The following ABR variants were observed in gnomAD, a reference collection of about 807,000 sequenced individuals.
ABR encodes the protein ABR activator of RhoGEF and GTPase.
In ABR, 35 loss-of-function variants were observed where a neutral mutation model predicts 107.2. That is an observed-to-expected ratio of 0.33 (90% CI 0.25 to 0.43). The LOEUF (loss-of-function observed/expected upper bound fraction) is 0.43. ABR is among the 20% of genes least tolerant of loss of function. The pLI is 1.00. For missense variants in ABR, 815 were observed against 1,115.2 expected, an observed-to-expected ratio of 0.73 and a Z score of 3.83; for synonymous variants, 498 against 462.0, an observed-to-expected ratio of 1.08 and a Z score of -1.00.
intron 3 of ABR, among the ~76,000 whole-genome samples, chr17:1,100,192 G>A (rs1369029487): frequency 6.6e-6 from 1 of 151,808 alleles, no homozygotes; most frequent in Non-Finnish European, 1.5e-5. Flanking sequence ...CGGGGCCTCA[G>A]GATGGCACTA....
intron 3 of ABR, among the ~76,000 whole-genome samples, chr17:1,097,590 CAAAAAAAAAAAAA>C (rs57256346): frequency 9.5e-6 from 1 of 104,762 alleles, no homozygotes; most frequent in Non-Finnish European, 1.8e-5. Flanking sequence ...GACTCCGTCT[CAAAAAAAAAAAAA>C]AAAAAAGAAC....
chr17:1,031,943 G>C, intron 16 of ABR: 1 of 843,282 alleles, frequency 1.2e-6, no homozygotes, highest in Non-Finnish European at 1.5e-6. Context: ...CTCCTTCCCC[G>C]CCCTCCGCGA....
intron 6 of ABR, among the ~76,000 whole-genome samples, chr17:1,075,098 C>A (rs2035591745): frequency 6.6e-6 from 1 of 152,254 alleles, no homozygotes; most frequent in Non-Finnish European, 1.5e-5. Flanking sequence ...AAGAGCCACA[C>A]CCTCCACAAC....
intron 10 of ABR, among the ~76,000 whole-genome samples, chr17:1,062,180 C>A (rs2034038705): frequency 1.2e-5 from 1 of 84,746 alleles, no homozygotes; most frequent in Non-Finnish European, 2.6e-5. Context: ...GTGGTGCCTT[C>A]CTCTAGACAC....
intron 1 of ABR, among the ~76,000 whole-genome samples, chr17:1,125,962 CT>C (rs146885450): frequency 6.6e-6 from 1 of 152,300 alleles, no homozygotes; most frequent in African/African-American, 2.4e-5. Context: ...GTGCCCAGGC[CT>C]GGCAGGGACA....
chr17:1,222,049 A>T (rs1261635698), intron 1 of ABR, among the ~76,000 whole-genome samples: 10 of 148,136 alleles, frequency 6.8e-5, no homozygotes, highest in Admixed American at 6.1e-4. Flanking sequence ...AAGAGTAACG[A>T]TAACAGCACC....
chr17:1,181,164 C>T (rs1032413228), upstream of ABR, among the ~76,000 whole-genome samples: 3 of 152,174 alleles, frequency 2.0e-5, no homozygotes, highest in African/African-American at 7.2e-5. Context: ...ACCCGCAGAA[C>T]GCTGGAGGGG....
chr17:1,022,122 A>G (rs2071733591), intron 16 of ABR, among the ~76,000 whole-genome samples: 1 of 150,942 alleles, frequency 6.6e-6, no homozygotes, highest in Non-Finnish European at 1.5e-5. Context: ...AAAAAAAAAA[A>G]AAACAGAAAA....
intron 16 of ABR, chr17:1,031,709 GCTGCAGTCGGGCT>G: frequency 8.0e-7 from 1 of 1,249,974 alleles, no homozygotes; most frequent in Non-Finnish European, 1.0e-6. Flanking sequence ...CCGCCTTCGG[GCTGCAGTCGGGCT>G]GGGGCAGGAC....
chr17:1,172,363 AG>A (rs1380545668), intron 1 of ABR, among the ~76,000 whole-genome samples: 1 of 152,192 alleles, frequency 6.6e-6, no homozygotes, highest in Non-Finnish European at 1.5e-5. Context: ...TCTCTGGGTC[AG>A]GTTCTCCTCA....
At position 1,138,202 on chromosome 17, in the gene ABR, C is replaced by T. The variant is rs76902602; in HGVS notation, c.62-12835G>A. Among the ~76,000 whole-genome samples, 24 of 152,144 alleles carry T rather than the reference C, an allele frequency of 1.6e-4. No individual in the cohort carries two copies. The East Asian group carries it at 4.1e-3, about 26-fold the overall frequency. On this transcript the variant is annotated intron_variant, in intron 1 of 22. Transcript: ENST00000302538. Reference sequence around the variant, plus strand: ...TACAGGTGTGACCCACCACGTCCAGCTCTCAACTACTTTTGCACCAGCCTA... The same window carrying T: ...TACAGGTGTGACCCACCACGTCCAGTTCTCAACTACTTTTGCACCAGCCTA...
rs2586303 is a variant in ABR at position 1,007,460 on chromosome 17, G to A, written c.2343-148C>T. The A allele has an allele frequency of 8.5e-4, 785 of 923,492 alleles. 6 individuals carry two copies. The African/African-American group carries it at 0.011, about 13-fold the overall frequency. 57.2% of individuals were successfully genotyped at this position (923,492 alleles called of 1,614,324 possible). A position where few individuals can be genotyped will look rare whatever the true frequency, so the allele number is the denominator to read the frequency against. ...TCTCCTAGGAGTGGGGACCTCCCCC[G>A]GGGGAAGGGGACTCATCCAGGAGAG... On this transcript the variant is annotated intron_variant, in intron 21 of 22. Transcript: ENST00000302538.
At chr17:1,098,313 G>C (rs1012574437) in intron 3 of ABR, among the ~76,000 whole-genome samples, 1 of 151,950 alleles carries the variant, frequency 6.6e-6, no homozygotes, top group African/African-American at 2.4e-5. Context: ...TCCTGACCTT[G>C]TGATCCGCCC....
rs4369737 is a variant in ABR at position 1,208,606 on chromosome 17, C to T, written c.838+20187G>A. Among the ~76,000 whole-genome samples, 1,445 of 152,198 alleles carry T rather than the reference C, an allele frequency of 9.5e-3. 26 individuals carry two copies. The highest frequency in any genetic ancestry group is 0.032 in the African/African-American group (1,331 of 41,538). On this transcript the variant is annotated intron_variant, in intron 1 of 22. Transcript: ENST00000574139. Reference sequence around the variant, plus strand: ...AGGGAGAGGTTCAAGAGGGAGCTGCCGGCCGGGCACAGTGGCTCACGCCTC... The same window carrying T: ...AGGGAGAGGTTCAAGAGGGAGCTGCTGGCCGGGCACAGTGGCTCACGCCTC...
Position 1,203,472 on chromosome 17 carries a change from T to C in ABR, c.838+25321A>G, listed in dbSNP as rs1405070192. Among the ~76,000 whole-genome samples the C allele has an allele frequency of 1.9e-4, 6 of 30,906 alleles. 1 individual carries two copies. The highest frequency in any genetic ancestry group is 6.5e-4 in the Admixed American group (2 of 3,070). The allele number at this position is 30,906 out of a possible 152,430, so 20.3% of individuals were successfully genotyped here. On this transcript the variant is annotated intron_variant, in intron 1 of 22. Coordinates refer to the ABR transcript ENST00000574139. ...GGGGGCGGGGCCCGCGGGGACGGAG[T>C]CTGCGGGGGCGGGGCCCGCGGGGAC...
chr17:1,005,874 G>T lies in ABR; in HGVS notation c.*206C>A, dbSNP rs2069985379. ...CTAGAGGTATGGAGGGCAGGAGGTGGGATGCGGTGGTGAGGCTGGGGCTGG... is the reference window on the plus strand; with the variant it reads ...CTAGAGGTATGGAGGGCAGGAGGTGTGATGCGGTGGTGAGGCTGGGGCTGG... On this transcript the variant is annotated 3_prime_UTR_variant, in exon 23 of 23. Coordinates refer to ENST00000302538, the MANE Select transcript of ABR (RefSeq NM_021962.5). 4.9e-6 allele frequency: 3 copies of T among 606,868 alleles called. No homozygotes were observed. In the East Asian group the frequency reaches 8.3e-5, roughly 17 times the overall value. 37.6% of individuals were successfully genotyped at this position (606,868 alleles called of 1,614,324 possible).
chr17:1,156,994 G>A (rs374029236), intron 1 of ABR, among the ~76,000 whole-genome samples: 17 of 152,220 alleles, frequency 1.1e-4, no homozygotes, highest in African/African-American at 3.9e-4. Context: ...AGGCTCTGAC[G>A]CACAGGCAGG....
rs75165424 is a variant in ABR at position 1,174,986 on chromosome 17, C to T, written c.61+4681G>A. On this transcript the variant is annotated intron_variant, in intron 1 of 22. Transcript: ENST00000302538. ...CCTCCACCCCCATTTTGGGCTACTCCGCTCCCATTTAATCCAATCTAATCC... is the reference window on the plus strand; with the variant it reads ...CCTCCACCCCCATTTTGGGCTACTCTGCTCCCATTTAATCCAATCTAATCC... Among the ~76,000 whole-genome samples, 619 of 151,964 alleles carry T rather than the reference C, an allele frequency of 4.1e-3. 2 individuals carry two copies. The highest frequency in any genetic ancestry group is 0.014 in the African/African-American group (579 of 41,428).
In ABR at chr17:1,179,135, C is replaced by A. The variant is rs73277386; in HGVS notation, c.61+532G>T. On this transcript the variant is annotated intron_variant, in intron 1 of 22. Coordinates refer to ENST00000302538, the MANE Select transcript of ABR (RefSeq NM_021962.5). This position sits in a 1 kb window ranked among gnomAD's most constrained non-coding sequence, Gnocchi z 4.9. ...GGCCCCCGCGGATATCTGCACCCCCCGTCTCCCCTCCCACCCGATCCCACC... is the reference window on the plus strand; with the variant it reads ...GGCCCCCGCGGATATCTGCACCCCCAGTCTCCCCTCCCACCCGATCCCACC... Among the ~76,000 whole-genome samples the A allele has an allele frequency of 0.34, 51,361 of 151,324 alleles. 9,035 individuals are homozygous for A. The highest frequency in any genetic ancestry group is 0.45 in the Middle Eastern group (131 of 292).
Sources: allele counts gnomAD v4.1 joint callset (sites outside exome capture counted in the v4.1 genomes callset), GRCh38; gene constraint gnomAD v4.1.1; non-coding constraint Gnocchi (gnomAD v3.1); transcripts MANE v1.5; gene names NCBI Gene and HGNC (gene_info 2026-07-23, HGNC 2026-07-21).